Variants in BCL11A observed in about 807,000 individuals in gnomAD.
BCL11A encodes the protein BCL11 transcription factor A.
Under a neutral mutation model 55.9 loss-of-function variants are expected in BCL11A, and 2 were observed. That is an observed-to-expected ratio of 0.04 (90% CI 0.01 to 0.11). The LOEUF is 0.11. Ranked by LOEUF, BCL11A falls within the 10% of genes least tolerant of loss-of-function variation. BCL11A has a pLI of 1.00. For missense variants in BCL11A, 817 were observed against 1,137.1 expected, an observed-to-expected ratio of 0.72 and a Z score of 4.05; for synonymous variants, 465 against 473.4, an observed-to-expected ratio of 0.98 and a Z score of 0.23.
At chr2:60,467,257 G>T (rs1391006055) in intron 3 of BCL11A, among the ~76,000 whole-genome samples, 1 of 117,208 alleles carries the variant, frequency 8.5e-6, no homozygotes, top group African/African-American at 3.5e-5. Context: ...TGGTAATGGT[G>T]GTGGTGGTGA....
chr2:60,546,441 A>G lies in BCL11A; in HGVS notation c.56-141T>C, dbSNP rs1670163793. On this transcript the variant is annotated intron_variant, in intron 1 of 3. Coordinates refer to ENST00000642384, the MANE Select transcript of BCL11A (RefSeq NM_022893.4). The surrounding 1 kb of genome is among the most constrained non-coding windows in gnomAD (Gnocchi z 4.1). ...CTCTATATAATACCCAGAAAATGTG[A>G]GCATACAAAAAGTACAAGGATGTGA... 3 of 734,770 alleles carry G rather than the reference A, an allele frequency of 4.1e-6. No homozygotes were observed. The Admixed American group carries it at 8.8e-5, about 22-fold the overall frequency. The allele number at this position is 734,770 out of a possible 1,614,324, so 45.5% of individuals were successfully genotyped here.
intron 2 of BCL11A, chr2:60,528,481 T>C (rs1379389081): frequency 6.6e-6 from 1 of 152,292 alleles, no homozygotes; most frequent in African/African-American, 2.4e-5. Flanking sequence ...CCGTGCTCCT[T>C]CAATATGCCC....
chr2:60,545,386 T>C (rs959712545), intron 2 of BCL11A: 3 of 153,558 alleles, frequency 2.0e-5, no homozygotes, highest in Non-Finnish European at 2.9e-5. Flanking sequence ...CACGGGGCTG[T>C]GTTTAATTAC....
In BCL11A at chr2:60,502,460, C is replaced by T. The variant is rs573317742; in HGVS notation, c.386-33627G>A. ...CAGAAGAGTAGCAGGGGGTTTCTCG[C>T]TAGCACAGATTTGAGCTCTGCCATC... On this transcript the variant is annotated intron_variant, in intron 2 of 3. Transcript: ENST00000642384. 1.1e-4 allele frequency among the ~76,000 whole-genome samples: 16 copies of T among 152,354 alleles called. 1 individual carries two copies. The East Asian group carries it at 2.9e-3, about 28-fold the overall frequency.
chr2:60,513,625 C>A (rs377058703), intron 2 of BCL11A, among the ~76,000 whole-genome samples: 1 of 152,312 alleles, frequency 6.6e-6, no homozygotes, highest in East Asian at 1.9e-4. Context: ...GCTGCCTAAT[C>A]CATCTCCCCA....
rs112723917 is a variant in BCL11A at position 60,462,372 on chromosome 2, G to C, written c.540C>G (p.Thr180=). The C allele has an allele frequency of 2.9e-4, 471 of 1,613,088 alleles. 4 individuals are homozygous for C. In the African/African-American group the frequency reaches 5.8e-3, roughly 20 times the overall value. Residue 180 remains threonine, a synonymous_variant, in exon 4 of 4, where the codon ACC becomes ACG. Transcript: ENST00000642384. The stretch of plus-strand genomic sequence containing the variant: ...CGTGTTGCAAGAGAAACCATGCACT[G>C]GTGAATGGCTGTTTGCAAGTTGTAC... ...YTCTTCKQPF[T]SAWFLLQHAQ... is the part of the protein sequence containing the mutation.
In BCL11A at chr2:60,546,750, T is replaced by A. The variant is rs1670177274; in HGVS notation, c.56-450A>T. Among the ~76,000 whole-genome samples the A allele has an allele frequency of 6.6e-6, 1 of 152,164 alleles. No homozygotes were observed. Among genetic ancestry groups the A allele is most frequent in the Non-Finnish European group, 1.5e-5 (1 of 68,034 alleles). On this transcript the variant is annotated intron_variant, in intron 1 of 3. Coordinates refer to ENST00000642384, the MANE Select transcript of BCL11A (RefSeq NM_022893.4). The surrounding 1 kb of genome is among the most constrained non-coding windows in gnomAD (Gnocchi z 4.1). ...TTCTTTTTTCCTATACACCAAGTTG[T>A]CCATTGTGCCAAAGAATGAAAGGAG...
intron 2 of BCL11A, among the ~76,000 whole-genome samples, chr2:60,476,066 T>C (rs944863429): frequency 1.3e-5 from 2 of 152,222 alleles, no homozygotes; most frequent in Non-Finnish European, 2.9e-5. Context: ...CCAGGCCTCC[T>C]TTGGACCAAC....
rs548888223 is a variant in BCL11A at position 60,544,074 on chromosome 2, A to G, written c.385+1897T>C. 1.2e-4 allele frequency: 18 copies of G among 152,350 alleles called. 1 individual carries two copies. The highest frequency in any genetic ancestry group is 4.1e-4 in the African/African-American group (17 of 41,574). The allele number at this position is 152,350 out of a possible 1,614,324, so 9.4% of individuals were successfully genotyped here. A position where few individuals can be genotyped will look rare whatever the true frequency, so the allele number is the denominator to read the frequency against. On this transcript the variant is annotated intron_variant, in intron 2 of 3. Transcript: ENST00000642384. ...CCCCCAGCATTTAGATTCCTCCTCT[A>G]AATACAGAGGCACAGAATTTTTGAG...
At chr2:60,482,281 G>C (rs535936264) in intron 2 of BCL11A, among the ~76,000 whole-genome samples, 1 of 152,098 alleles carries the variant, frequency 6.6e-6, no homozygotes, top group Non-Finnish European at 1.5e-5. Context: ...TTCACGGAGC[G>C]GACAGAAGGA....
At chr2:60,456,487 G>T (rs1040816566), downstream of BCL11A, among the ~76,000 whole-genome samples, 4 of 152,162 alleles carry the variant, frequency 2.6e-5, no homozygotes, top group African/African-American at 7.2e-5. Context: ...TAGCATCTAG[G>T]GTTCCTGGGA....
intron 2 of BCL11A, among the ~76,000 whole-genome samples, chr2:60,531,188 C>A (rs1364426582): frequency 1.3e-5 from 2 of 152,026 alleles, no homozygotes; most frequent in African/African-American, 4.8e-5. Flanking sequence ...CTCCTGGCTA[C>A]CCTACTCCGG....
chr2:60,488,323 A>T (rs1678406377), intron 2 of BCL11A, among the ~76,000 whole-genome samples: 1 of 152,200 alleles, frequency 6.6e-6, no homozygotes, highest in African/African-American at 2.4e-5. Context: ...GGGAATTGCC[A>T]TTGTGTCCTC....
intron 3 of BCL11A, among the ~76,000 whole-genome samples, chr2:60,466,481 C>G (rs914296324): frequency 6.6e-6 from 1 of 152,138 alleles, no homozygotes; most frequent in African/African-American, 2.4e-5. Context: ...AGGCTTAGGC[C>G]CAGCTTGGGG....
At chr2:60,500,441 C>T (rs1436159489) in intron 2 of BCL11A, among the ~76,000 whole-genome samples, 5 of 152,138 alleles carry the variant, frequency 3.3e-5, no homozygotes, top group Non-Finnish European at 5.9e-5. Context: ...GGGGCCTGGC[C>T]AGAGCAATCA....
chr2:60,530,819 C>T (rs955249849), intron 2 of BCL11A, among the ~76,000 whole-genome samples: 1 of 152,168 alleles, frequency 6.6e-6, no homozygotes, highest in Non-Finnish European at 1.5e-5. Context: ...GCACCTCCCC[C>T]ACCTCCCACT....
At chr2:60,517,718 C>T (rs982114493) in intron 2 of BCL11A, among the ~76,000 whole-genome samples, 3 of 152,264 alleles carry the variant, frequency 2.0e-5, no homozygotes, top group Non-Finnish European at 4.4e-5. Context: ...AAGTCTACCA[C>T]TGCCTAGCAA....
chr2:60,492,067 G>C (rs773978704), intron 2 of BCL11A, among the ~76,000 whole-genome samples: 14 of 152,184 alleles, frequency 9.2e-5, no homozygotes, highest in Non-Finnish European at 1.9e-4. Flanking sequence ...TTAAGGAGAA[G>C]ACATACTGAT....
intron 2 of BCL11A, among the ~76,000 whole-genome samples, chr2:60,474,212 T>C (rs1478838551): frequency 2.0e-5 from 3 of 152,206 alleles, no homozygotes; most frequent in Non-Finnish European, 2.9e-5. Context: ...ACATTTTGCG[T>C]GCCCCTTTAT....
Sources: allele counts gnomAD v4.1 joint callset (sites outside exome capture counted in the v4.1 genomes callset), GRCh38; gene constraint gnomAD v4.1.1; non-coding constraint Gnocchi (gnomAD v3.1); transcripts MANE v1.5; gene names NCBI Gene and HGNC (gene_info 2026-07-23, HGNC 2026-07-21).